The following ITGA8 variants were observed in gnomAD, a reference collection of about 807,000 sequenced individuals.
The protein encoded by ITGA8 is integrin subunit alpha 8, also known as integrin alpha-8.
In ITGA8, 91 loss-of-function variants were observed where a neutral mutation model predicts 142.3. The observed-to-expected ratio is 0.64, with a 90% CI of 0.54 to 0.76. The LOEUF is 0.76. Among genes scored for constraint, ITGA8 ranks in the 30% least tolerant of loss-of-function variants. The probability of loss-of-function intolerance (pLI) is 0.00; values close to 1 mark genes in which losing one functional copy is unlikely to be tolerated. For synonymous variants in ITGA8, 505 were observed against 485.2 expected (o/e 1.04, Z -0.54); for missense variants, 1,406 against 1,327.7 (o/e 1.06, Z -0.92).
intron 13 of ITGA8, among the ~76,000 whole-genome samples, chr10:15,627,992 A>G (rs1466698079): frequency 6.6e-6 from 1 of 152,042 alleles, no homozygotes; most frequent in Admixed American, 6.5e-5. Flanking sequence ...CTCACTGCTC[A>G]TTATATGCTA....
At chr10:15,645,055 T>C (rs7922697) in intron 12 of ITGA8, among the ~76,000 whole-genome samples, 142,304 of 142,728 alleles carry the variant, frequency 1, 70,942 homozygotes, top group Middle Eastern at 1. Context: ...GTTGAGATCG[T>C]GCCACTGCAC....
At chr10:15,719,454 G>A (rs555194357) in intron 1 of ITGA8, 109 bp downstream of exon 1, 2 of 971,720 alleles carry the variant, frequency 2.1e-6, no homozygotes, top group Admixed American at 3.6e-5. Flanking sequence ...CCGGGCAGGC[G>A]GCAGGACGGG....
At chr10:15,625,009 G>T (rs907059357) in intron 13 of ITGA8, among the ~76,000 whole-genome samples, 1 of 152,002 alleles carries the variant, frequency 6.6e-6, no homozygotes, top group African/African-American at 2.4e-5. Context: ...GAAGTTGCCT[G>T]TCTGCCTTGC....
Position 15,541,899 on chromosome 10 carries a change from C to A in ITGA8, c.2880+6556G>T, listed in dbSNP as rs199852474. ...TTACTTGCATGGTTCCTGCTTATAT[C>A]TAAGCTTTGAATTAAAGCCAGTACA... On this transcript the variant is annotated intron_variant, in intron 27 of 29. Transcript: ENST00000378076. Among the ~76,000 whole-genome samples the A allele has an allele frequency of 9.2e-5, 14 of 151,942 alleles. No individual in the cohort carries two copies. In the East Asian group the frequency reaches 2.5e-3, roughly 27 times the overall value.
chr10:15,561,747 A>C (rs1461646134), intron 25 of ITGA8, among the ~76,000 whole-genome samples: 11 of 152,178 alleles, frequency 7.2e-5, no homozygotes, highest in Admixed American at 7.2e-4. Flanking sequence ...TGAGGATGGA[A>C]GAGAGATGAT....
chr10:15,682,645 A>G (rs964025108), intron 4 of ITGA8, among the ~76,000 whole-genome samples: 1 of 152,172 alleles, frequency 6.6e-6, no homozygotes, highest in African/African-American at 2.4e-5. Flanking sequence ...GCATGAGCAC[A>G]GGAGTTCAAG....
In ITGA8 at chr10:15,578,645, G is replaced by C. The variant is rs549677845; in HGVS notation, c.2373-3051C>G. 6.2e-4 allele frequency among the ~76,000 whole-genome samples: 94 copies of C among 152,196 alleles called. 2 individuals carry two copies. The highest frequency in any genetic ancestry group is 1.8e-4 in the Non-Finnish European group (12 of 67,974). On this transcript the variant is annotated intron_variant, in intron 23 of 29. Transcript: ENST00000378076. ...TTTCAAACCCTATCATTCCCAAATA[G>C]CAAAGACTACCATGTATTGTATGGA...
At chr10:15,607,337 C>A (rs1298292001) in intron 17 of ITGA8, among the ~76,000 whole-genome samples, 1 of 152,112 alleles carries the variant, frequency 6.6e-6, no homozygotes, top group Admixed American at 6.6e-5. Context: ...TCTAACAAGA[C>A]ATACTCACAT....
intron 27 of ITGA8, among the ~76,000 whole-genome samples, chr10:15,535,928 A>G (rs35075045): frequency 0.2 from 30,234 of 151,704 alleles, 4,081 homozygotes; most frequent in African/African-American, 0.39. Context: ...CCTGAAGCCA[A>G]CCAGACCACA....
chr10:15,687,537 C>T (rs777321230), intron 3 of ITGA8, among the ~76,000 whole-genome samples: 26 of 152,008 alleles, frequency 1.7e-4, no homozygotes, highest in Non-Finnish European at 2.9e-4. Context: ...GCTTTCCTTT[C>T]GGTGTAAAAA....
chr10:15,548,126 C>T (rs760644619), intron 27 of ITGA8, among the ~76,000 whole-genome samples: 3 of 148,478 alleles, frequency 2.0e-5, no homozygotes, highest in Non-Finnish European at 4.4e-5. Flanking sequence ...GTGTCTCACT[C>T]TGTCACCCAG....
chr10:15,637,944 G>A (rs1290324781), intron 13 of ITGA8, among the ~76,000 whole-genome samples: 1 of 151,862 alleles, frequency 6.6e-6, no homozygotes, highest in Non-Finnish European at 1.5e-5. Context: ...ATATATATCT[G>A]TGAATGAGAG....
At chr10:15,550,250 C>A (rs1167957801) in intron 26 of ITGA8, among the ~76,000 whole-genome samples, 1 of 152,108 alleles carries the variant, frequency 6.6e-6, no homozygotes, top group African/African-American at 2.4e-5. Flanking sequence ...AATCGTGAGC[C>A]CATTAAGCCT....
At chr10:15,633,609 AGG>A (rs1833720719) in intron 13 of ITGA8, among the ~76,000 whole-genome samples, 1 of 152,072 alleles carries the variant, frequency 6.6e-6, no homozygotes, top group Non-Finnish European at 1.5e-5. Flanking sequence ...TAGTAGAGAC[AGG>A]GTTTTACCAT....
At chr10:15,665,086 G>C (rs1393455326) in intron 8 of ITGA8, among the ~76,000 whole-genome samples, 5 of 152,088 alleles carry the variant, frequency 3.3e-5, no homozygotes, top group East Asian at 1.9e-4. Flanking sequence ...CCGAGGAATC[G>C]CCACACTGAC....
chr10:15,689,804 C>T (rs576491501), intron 2 of ITGA8, among the ~76,000 whole-genome samples: 160 of 152,318 alleles, frequency 1.1e-3, no homozygotes, highest in African/African-American at 3.6e-3. Context: ...CAGCTCCCTA[C>T]GCTCTGGGCC....
At chr10:15,677,414 T>C (rs1186590246) in intron 6 of ITGA8, among the ~76,000 whole-genome samples, 178 bp downstream of exon 6, 3 of 152,150 alleles carry the variant, frequency 2.0e-5, no homozygotes, top group African/African-American at 7.2e-5. Flanking sequence ...TGTACAATTG[T>C]TTTGTCAATT....
intron 26 of ITGA8, among the ~76,000 whole-genome samples, chr10:15,554,351 G>A (rs1185075864): frequency 6.6e-6 from 1 of 152,152 alleles, no homozygotes; most frequent in Non-Finnish European, 1.5e-5. Context: ...GGGGGGAGGG[G>A]CTGTTCATCT....
In ITGA8 at chr10:15,535,713, C is replaced by T. The variant is rs545620549; in HGVS notation, c.2881-4562G>A. Among the ~76,000 whole-genome samples, 731 of 152,228 alleles carry T rather than the reference C, an allele frequency of 4.8e-3. 3 individuals are homozygous for T. Among genetic ancestry groups the T allele is most frequent in the Non-Finnish European group, 8.0e-3 (545 of 68,014 alleles). On this transcript the variant is annotated intron_variant, in intron 27 of 29. Coordinates refer to ENST00000378076, the MANE Select transcript of ITGA8 (RefSeq NM_003638.3). The stretch of plus-strand genomic sequence containing the variant: ...ACCACTGGGCTCTCTGTAAAATGGA[C>T]CAATCAGCAGGATGTGGGTGGGGCC...
Sources: gnomAD v4.1 joint callset for allele counts (sites outside exome capture counted in the v4.1 genomes callset) on GRCh38, gnomAD v4.1.1 for gene constraint, MANE v1.5 for transcripts, NCBI Gene and HGNC (gene_info 2026-07-23, HGNC 2026-07-21) for gene names.